ANO1: variants seen among roughly 807,000 people sequenced by gnomAD.
ANO1 encodes anoctamin-1.
ANO1 carries 59 observed loss-of-function variants against 124.0 expected under a neutral mutation model. The ratio of observed to expected loss-of-function variants is 0.48; its 90% CI spans 0.39 to 0.59. The LOEUF (loss-of-function observed/expected upper bound fraction) is 0.59. Among genes scored for constraint, ANO1 ranks in the 20% least tolerant of loss-of-function variants. The probability of loss-of-function intolerance (pLI) is 0.00; values close to 1 mark genes in which losing one functional copy is unlikely to be tolerated. For missense variants in ANO1, 1,059 were observed against 1,328.0 expected, an observed-to-expected ratio of 0.80 and a Z score of 3.15; for synonymous variants, 529 against 532.0, an observed-to-expected ratio of 0.99 and a Z score of 0.08.
chr11:69,967,407 T>C, the ANO1 span, among the ~76,000 whole-genome samples: 2 of 152,226 alleles, frequency 1.3e-5, no homozygotes, highest in African/African-American at 2.4e-5. Flanking sequence ...CTTCATCAGG[T>C]CCTAGGAGGT....
intron 2 of ANO1, among the ~76,000 whole-genome samples, chr11:70,096,103 G>A (rs1477438937): frequency 6.6e-6 from 1 of 152,182 alleles, no homozygotes; most frequent in African/African-American, 2.4e-5. Flanking sequence ...TCTTGCCCTG[G>A]TGGGGGCGGG....
At chr11:70,010,179 G>GTATATATATATATA (rs71926266) in intron 1 of ANO1, among the ~76,000 whole-genome samples, 20 of 83,804 alleles carry the variant, frequency 2.4e-4, no homozygotes, top group East Asian at 1.7e-3. Context: ...GTGTGTGTGT[G>GTATATATATATATA]TATATATATA....
intron 8 of ANO1, among the ~76,000 whole-genome samples, chr11:70,117,152 C>T (rs528252410): frequency 5.8e-4 from 77 of 133,056 alleles, no homozygotes; most frequent in Middle Eastern, 0.01. Context: ...TCACCCAGGC[C>T]CTCTGCCTCC....
chr11:70,022,654 C>T (rs927002035), intron 1 of ANO1, among the ~76,000 whole-genome samples: 2 of 151,756 alleles, frequency 1.3e-5, no homozygotes, highest in Admixed American at 6.6e-5. Context: ...CCCCATAGAG[C>T]CAGCCTCACC....
chr11:70,012,133 T>C (rs1555001206), intron 1 of ANO1, among the ~76,000 whole-genome samples: 3 of 152,212 alleles, frequency 2.0e-5, no homozygotes, highest in African/African-American at 7.2e-5. Flanking sequence ...TATTCACTCA[T>C]CCATTCTTTC....
At chr11:70,011,532 C>T (rs534846150) in intron 1 of ANO1, among the ~76,000 whole-genome samples, 1 of 152,286 alleles carries the variant, frequency 6.6e-6, no homozygotes, top group African/African-American at 2.4e-5. Flanking sequence ...CATCCATTTT[C>T]AATAAATTCC....
upstream of ANO1, among the ~76,000 whole-genome samples, chr11:69,983,934 T>G (rs1157567316): frequency 1.3e-5 from 2 of 152,240 alleles, no homozygotes; most frequent in Admixed American, 6.5e-5. Flanking sequence ...GTGTGCATTT[T>G]AAATCTGGCT....
intron 21 of ANO1, 94 bp from the exon 22 acceptor site, chr11:70,170,775 TTGGAGGTGGGGCGGCAGC>T: frequency 7.3e-7 from 1 of 1,374,210 alleles, no homozygotes; most frequent in Non-Finnish European, 9.8e-7. Flanking sequence ...GGTGGGCTCG[TTGGAGGTGGGGCGGCAGC>T]CAGACCTGTG....
intron 11 of ANO1, among the ~76,000 whole-genome samples, chr11:70,132,784 G>A (rs980757578): frequency 3.9e-5 from 6 of 152,350 alleles, no homozygotes; most frequent in African/African-American, 1.4e-4. Context: ...CTGCAGCCCC[G>A]TGTCTCAGCC....
chr11:70,157,570 A>G (rs534603013), intron 16 of ANO1, among the ~76,000 whole-genome samples: 6 of 152,258 alleles, frequency 3.9e-5, no homozygotes, highest in Middle Eastern at 3.4e-3. Flanking sequence ...CAGGGAGTAC[A>G]TGAGATGATT....
the ANO1 span, among the ~76,000 whole-genome samples, chr11:69,975,115 A>G: frequency 1.3e-5 from 2 of 152,248 alleles, no homozygotes; most frequent in South Asian, 4.1e-4. Flanking sequence ...GACGGCACCA[A>G]GGGAATCCTA....
At chr11:70,155,531 T>A (rs10751194) in intron 14 of ANO1, among the ~76,000 whole-genome samples, 104,472 of 152,084 alleles carry the variant, frequency 0.69, 36,033 homozygotes, top group East Asian at 0.77. Context: ...TTGGCGGATG[T>A]GCTTGGGCTT....
chr11:70,085,345 C>T (rs2044330429), intron 1 of ANO1: 13 of 1,422,416 alleles, frequency 9.1e-6, no homozygotes, highest in Non-Finnish European at 1.2e-5. Context: ...AAGCCACCCA[C>T]CCACATGGGC....
chr11:70,079,180 G>A (rs977866565), intron 1 of ANO1, among the ~76,000 whole-genome samples: 9 of 152,130 alleles, frequency 5.9e-5, no homozygotes, highest in African/African-American at 2.2e-4. Flanking sequence ...CACGATGATG[G>A]TAACTGCCAG....
intron 1 of ANO1, among the ~76,000 whole-genome samples, chr11:70,007,919 C>T (rs146136474): frequency 1.6e-3 from 247 of 152,226 alleles, no homozygotes; most frequent in African/African-American, 5.7e-3. Context: ...TTTTATGCTT[C>T]GGGTTATTAT....
chr11:70,047,956 C>T (rs1043463098), intron 1 of ANO1, among the ~76,000 whole-genome samples: 1 of 152,226 alleles, frequency 6.6e-6, no homozygotes, highest in Non-Finnish European at 1.5e-5. Flanking sequence ...AAATCATAAT[C>T]AAAGCCCGCT....
intron 1 of ANO1, 113 bp from the exon 2 acceptor site, chr11:70,087,639 G>A (rs1277909197): frequency 1.9e-6 from 2 of 1,069,722 alleles, no homozygotes; most frequent in Non-Finnish European, 2.6e-6. Flanking sequence ...CGCTCAGGGA[G>A]TGTTTGTTGA....
At chr11:70,151,169 T>C (rs2047588389) in intron 12 of ANO1, among the ~76,000 whole-genome samples, 1 of 152,250 alleles carries the variant, frequency 6.6e-6, no homozygotes, top group Non-Finnish European at 1.5e-5. Flanking sequence ...AATGGATCAA[T>C]AGATATAAAG....
chr11:70,026,599 A>G (rs1182430504), intron 1 of ANO1, among the ~76,000 whole-genome samples: 2 of 152,022 alleles, frequency 1.3e-5, no homozygotes, highest in African/African-American at 4.8e-5. Context: ...TGGTGGTGGT[A>G]GTGGCGACTG....
Sources: allele counts gnomAD v4.1 joint callset (sites outside exome capture counted in the v4.1 genomes callset), GRCh38; gene constraint gnomAD v4.1.1; transcripts MANE v1.5; gene names NCBI Gene and HGNC (gene_info 2026-07-23, HGNC 2026-07-21).